Variants in EXOC4 observed in about 807,000 individuals in gnomAD.
The protein encoded by EXOC4 is SEC8-like 1.
A neutral mutation model predicts 107.2 loss-of-function variants in EXOC4; 71 were observed. The observed-to-expected ratio is 0.66, with a 90% CI of 0.55 to 0.81. The LOEUF (loss-of-function observed/expected upper bound fraction) is 0.81. Ranked by LOEUF, EXOC4 falls within the 30% of genes least tolerant of loss-of-function variation. The pLI, the probability that EXOC4 is intolerant of heterozygous loss-of-function variation, is 0.00. For synonymous variants in EXOC4, 456 were observed against 441.2 expected, an observed-to-expected ratio of 1.03 and a Z score of -0.42; for missense variants, 1,108 against 1,189.6, an observed-to-expected ratio of 0.93 and a Z score of 1.01.
chr7:133,663,255 A>G (rs1389852011), intron 10 of EXOC4, among the ~76,000 whole-genome samples: 6 of 151,468 alleles, frequency 4.0e-5, no homozygotes, highest in Non-Finnish European at 8.8e-5. Flanking sequence ...TCTCCTCCCA[A>G]CTCTGTCCCC....
chr7:133,261,702 T>C (rs970097371), intron 1 of EXOC4, among the ~76,000 whole-genome samples: 35 of 152,296 alleles, frequency 2.3e-4, no homozygotes, highest in African/African-American at 8.2e-4. Flanking sequence ...GTTTTGCTAG[T>C]TAGGAGCAGA....
chr7:133,908,254 G>T (rs1799613250), intron 12 of EXOC4, among the ~76,000 whole-genome samples: 1 of 152,224 alleles, frequency 6.6e-6, no homozygotes, highest in South Asian at 2.1e-4. Context: ...GGGACTTTAT[G>T]GTCACAGCTC....
intron 12 of EXOC4, among the ~76,000 whole-genome samples, chr7:133,915,163 C>T (rs898079963): frequency 6.6e-6 from 1 of 152,180 alleles, no homozygotes; most frequent in South Asian, 2.1e-4. Context: ...TCAATTAGTG[C>T]AGGCTGCTCC....
At chr7:133,749,591 G>A (rs568035263) in intron 10 of EXOC4, among the ~76,000 whole-genome samples, 4 of 152,124 alleles carry the variant, frequency 2.6e-5, no homozygotes, top group African/African-American at 7.2e-5. Context: ...ATGGGGTTTC[G>A]CCATGTTGGC....
At chr7:133,508,681 A>T (rs1246701658) in intron 9 of EXOC4, among the ~76,000 whole-genome samples, 3 of 152,200 alleles carry the variant, frequency 2.0e-5, no homozygotes, top group African/African-American at 7.2e-5. Context: ...GTTAACAATT[A>T]TCAGGGTGTT....
rs1801208439 is a variant in EXOC4 at position 133,579,698 on chromosome 7, T to C, written c.1418-50347T>C. 2.0e-5 allele frequency among the ~76,000 whole-genome samples: 3 copies of C among 151,920 alleles called. No individual in the cohort carries two copies. The South Asian group carries it at 6.2e-4, about 32-fold the overall frequency. ...AATCACAACTTTACTTTTTTTTTTT[T>C]TTTTCTTGAGATGGAGTCTCACTCT... On this transcript the variant is annotated intron_variant, in intron 9 of 17. Transcript: ENST00000253861.
At chr7:133,460,614 G>C (rs939400639) in intron 7 of EXOC4, among the ~76,000 whole-genome samples, 1 of 151,916 alleles carries the variant, frequency 6.6e-6, no homozygotes, top group African/African-American at 2.4e-5. Flanking sequence ...TGATAAAATA[G>C]TATTACTTTT....
intron 17 of EXOC4, among the ~76,000 whole-genome samples, chr7:134,052,612 G>C (rs6955613): frequency 6.6e-6 from 1 of 151,456 alleles, no homozygotes; most frequent in Non-Finnish European, 1.5e-5. Flanking sequence ...TTAGCAGTTA[G>C]TTTTATCATT....
chr7:133,384,743 A>AG lies in EXOC4; in HGVS notation c.1182+9741_1182+9742insG, dbSNP rs548482940. Among the ~76,000 whole-genome samples, 279 of 151,180 alleles carry AG rather than the reference A, an allele frequency of 1.8e-3. 3 individuals are homozygous for AG. Among genetic ancestry groups the AG allele is most frequent in the Non-Finnish European group, 2.9e-3 (196 of 67,742 alleles). The stretch of plus-strand genomic sequence containing the variant: ...TTTTTTTTAAGCGTATTTAAAAAAA[A>AG]AAAACGTTTTCTGATTGTGGAAGCA... On this transcript the variant is annotated intron_variant, in intron 7 of 17. Coordinates refer to ENST00000253861, the MANE Select transcript of EXOC4 (RefSeq NM_021807.4).
chr7:133,329,864 C>G (rs1795339372), intron 5 of EXOC4, among the ~76,000 whole-genome samples: 1 of 152,134 alleles, frequency 6.6e-6, no homozygotes, highest in Non-Finnish European at 1.5e-5. Flanking sequence ...TCTGTCGGCC[C>G]CTACTGGGAG....
chr7:133,689,192 G>A (rs1794367914), intron 10 of EXOC4, among the ~76,000 whole-genome samples: 3 of 152,028 alleles, frequency 2.0e-5, no homozygotes, highest in Admixed American at 2.0e-4. Flanking sequence ...TCCTCCTTTA[G>A]TGTTTTCATA....
At chr7:133,676,959 G>GTGTGTGTGTGTGTGTA (rs1554382529) in intron 10 of EXOC4, among the ~76,000 whole-genome samples, 188 of 138,744 alleles carry the variant, frequency 1.4e-3, no homozygotes, top group East Asian at 9.1e-3. Context: ...GTGTGTGTAT[G>GTGTGTGTGTGTGTGTA]TGTGTGTGTG....
the EXOC4 span, among the ~76,000 whole-genome samples, chr7:134,088,161 T>C: frequency 6.6e-6 from 1 of 151,962 alleles, no homozygotes; most frequent in East Asian, 1.9e-4. Flanking sequence ...ACAAGGCCAG[T>C]TTTCCCAAGG....
chr7:133,731,649 C>G (rs117412126), intron 10 of EXOC4, among the ~76,000 whole-genome samples: 2 of 152,084 alleles, frequency 1.3e-5, no homozygotes, highest in African/African-American at 4.8e-5. Flanking sequence ...CTGACTCTAC[C>G]ATTTAGCTTA....
intron 10 of EXOC4, among the ~76,000 whole-genome samples, chr7:133,634,558 C>T (rs754078219): frequency 3.9e-5 from 6 of 152,040 alleles, no homozygotes; most frequent in Admixed American, 1.3e-4. Context: ...GGTGCAATCT[C>T]GGCTCACTGC....
intron 12 of EXOC4, among the ~76,000 whole-genome samples, chr7:133,914,242 A>G (rs747708312): frequency 1.1e-4 from 17 of 149,170 alleles, no homozygotes; most frequent in Non-Finnish European, 2.1e-4. Context: ...TATGTAACCA[A>G]ACTCAAAAGG....
At chr7:133,922,529 T>C (rs1799958336) in intron 13 of EXOC4, among the ~76,000 whole-genome samples, 1 of 152,176 alleles carries the variant, frequency 6.6e-6, no homozygotes, top group Admixed American at 6.6e-5. Context: ...TATTTCATTA[T>C]GTCACTACAA....
chr7:133,661,541 T>C (rs1793679345), intron 10 of EXOC4, among the ~76,000 whole-genome samples: 1 of 152,050 alleles, frequency 6.6e-6, no homozygotes, highest in Admixed American at 6.6e-5. Context: ...AGGGGCTGTA[T>C]ATTTGTAAAA....
chr7:133,932,718 C>T (rs13233715), intron 13 of EXOC4, among the ~76,000 whole-genome samples: 70,649 of 152,044 alleles, frequency 0.46, 17,662 homozygotes, highest in African/African-American at 0.65. Flanking sequence ...TTTTATGTTG[C>T]GGCCTTGTAA....
Sources: allele counts gnomAD v4.1 joint callset (sites outside exome capture counted in the v4.1 genomes callset), GRCh38; gene constraint gnomAD v4.1.1; transcripts MANE v1.5; gene names NCBI Gene and HGNC (gene_info 2026-07-23, HGNC 2026-07-21).